Variants in KIRREL3 observed in about 807,000 individuals in gnomAD.
KIRREL3 encodes the protein kin of IRRE-like protein 3.
KIRREL3 carries 36 observed loss-of-function variants against 89.7 expected under a neutral mutation model. The ratio of observed to expected loss-of-function variants is 0.40; its 90% CI spans 0.31 to 0.53. KIRREL3 has a LOEUF of 0.53. Ranked by LOEUF, KIRREL3 falls within the 20% of genes least tolerant of loss-of-function variation. The pLI is 0.49. For missense variants in KIRREL3, 864 were observed against 1,056.6 expected (o/e 0.82, Z 2.53); for synonymous variants, 445 against 441.4 (o/e 1.01, Z -0.10).
intron 2 of KIRREL3, among the ~76,000 whole-genome samples, chr11:126,529,374 G>T (rs1264346805): frequency 1.3e-5 from 2 of 152,148 alleles, no homozygotes; most frequent in East Asian, 1.9e-4. Flanking sequence ...CCTTTTGGTG[G>T]GTGTCTCAGA....
chr11:126,533,106 T>C (rs1385318774), intron 2 of KIRREL3, among the ~76,000 whole-genome samples: 1 of 152,164 alleles, frequency 6.6e-6, no homozygotes, highest in African/African-American at 2.4e-5. Flanking sequence ...CATGCCCAGC[T>C]AGTAATAGGT....
At position 126,912,494 on chromosome 11, in the gene KIRREL3, G is replaced by A. The variant is rs1946864101; in HGVS notation, c.55+87961C>T. Among the ~76,000 whole-genome samples the A allele has an allele frequency of 1.3e-5, 2 of 152,142 alleles. No homozygotes were observed. Among genetic ancestry groups the A allele is most frequent in the Admixed American group, 6.5e-5 (1 of 15,268 alleles). ...CAGTCCTAAGCACCCCTCACAGTAG[G>A]CATCAACCAAGAACATATCACACTC... is the stretch of plus-strand genomic sequence containing the variant. On this transcript the variant is annotated intron_variant, in intron 1 of 16. Transcript: ENST00000525144. This position sits in a 1 kb window ranked among gnomAD's most constrained non-coding sequence, Gnocchi z 4.7.
chr11:126,889,955 C>A (rs1257312374), intron 1 of KIRREL3, among the ~76,000 whole-genome samples: 1 of 152,206 alleles, frequency 6.6e-6, no homozygotes. Flanking sequence ...TAGCCCTTAG[C>A]TGTGGCAGCC....
Position 126,526,872 on chromosome 11 carries a change from A to G in KIRREL3, c.134-185T>C, listed in dbSNP as rs189067887. The stretch of plus-strand genomic sequence containing the variant: ...CTCAGCCCCAGCTCTATTCCCTCCT[A>G]TGGGGGCCTGGCTCCCAGCTCCAGC... On this transcript the variant is annotated intron_variant, in intron 2 of 16. Coordinates refer to ENST00000525144, the MANE Select transcript of KIRREL3 (RefSeq NM_032531.4). The surrounding 1 kb of genome is among the most constrained non-coding windows in gnomAD (Gnocchi z 5.7). Among the ~76,000 whole-genome samples the G allele has an allele frequency of 4.6e-5, 7 of 152,166 alleles. No homozygotes were observed. The East Asian group carries it at 1.2e-3, about 25-fold the overall frequency.
At chr11:126,512,542 G>T (rs1428600627) in intron 4 of KIRREL3, among the ~76,000 whole-genome samples, 1 of 152,200 alleles carries the variant, frequency 6.6e-6, no homozygotes, top group East Asian at 1.9e-4. Context: ...GGGTAAGTGG[G>T]TGAGGGGCCT....
chr11:126,532,798 T>A (rs942122786), intron 2 of KIRREL3, among the ~76,000 whole-genome samples: 8 of 152,068 alleles, frequency 5.3e-5, no homozygotes, highest in African/African-American at 1.9e-4. Context: ...CGGTTGAGGG[T>A]AAAGTTTAGT....
chr11:126,725,368 C>T lies in KIRREL3; in HGVS notation c.56-162456G>A, dbSNP rs374586453. Among the ~76,000 whole-genome samples, 111 of 152,260 alleles carry T rather than the reference C, an allele frequency of 7.3e-4. 2 individuals carry two copies. In the South Asian group the frequency reaches 0.022, roughly 30 times the overall value. On this transcript the variant is annotated intron_variant, in intron 1 of 16. Coordinates refer to ENST00000525144, the MANE Select transcript of KIRREL3 (RefSeq NM_032531.4). ...GCAAAAAAAAGGGTTCATTTCAGTG[C>T]CCTGTGCATTAGTTGCCTGACTTGC...
intron 1 of KIRREL3, among the ~76,000 whole-genome samples, chr11:126,929,216 GGTCAAA>G (rs1177707624): frequency 3.3e-5 from 5 of 152,090 alleles, no homozygotes; most frequent in African/African-American, 4.8e-5. Flanking sequence ...AGGACAGAGA[GGTCAAA>G]GTCCCCAGGA....
At chr11:126,803,137 T>G (rs184748707) in intron 1 of KIRREL3, among the ~76,000 whole-genome samples, 83 of 152,246 alleles carry the variant, frequency 5.5e-4, no homozygotes, top group African/African-American at 1.9e-3. Context: ...GTCTGAGGGG[T>G]CCAGCCCTAA....
chr11:126,827,258 A>G (rs1297561373), intron 1 of KIRREL3, among the ~76,000 whole-genome samples: 1 of 151,948 alleles, frequency 6.6e-6, no homozygotes, highest in East Asian at 1.9e-4. Flanking sequence ...GTTCACTGCA[A>G]TCTCTGCCTC....
chr11:126,789,972 T>C (rs1452924066), intron 1 of KIRREL3, among the ~76,000 whole-genome samples: 1 of 152,218 alleles, frequency 6.6e-6, no homozygotes, highest in Non-Finnish European at 1.5e-5. Flanking sequence ...CTGGCATGTC[T>C]CATAGGACCT....
At chr11:126,894,519 G>A (rs1002606881) in intron 1 of KIRREL3, among the ~76,000 whole-genome samples, 1 of 106,836 alleles carries the variant, frequency 9.4e-6, no homozygotes, top group Non-Finnish European at 1.8e-5. Context: ...GACCAGCCTG[G>A]GCAACATAAT....
intron 1 of KIRREL3, among the ~76,000 whole-genome samples, chr11:126,785,015 G>A (rs1950442351): frequency 6.6e-6 from 1 of 152,222 alleles, no homozygotes; most frequent in Non-Finnish European, 1.5e-5. Flanking sequence ...GAAAAGCCCA[G>A]TGTGTTAAGG....
intron 1 of KIRREL3, among the ~76,000 whole-genome samples, chr11:126,942,713 C>T (rs1053944403): frequency 3.1e-4 from 47 of 152,336 alleles, no homozygotes; most frequent in Admixed American, 1.4e-3. Context: ...TCTGAACATG[C>T]TGGCCTTCTC....
At position 126,544,885 on chromosome 11, in the gene KIRREL3, C is replaced by T. The variant is rs937209594; in HGVS notation, c.133+17950G>A. ...GTTTGGCCATGCACTGTCTAAACTC[C>T]TCTAACCTATTTAGGCCACAGAGAG... is the stretch of plus-strand genomic sequence containing the variant. On this transcript the variant is annotated intron_variant, in intron 2 of 16. Transcript: ENST00000525144. This position sits in a 1 kb window ranked among gnomAD's most constrained non-coding sequence, Gnocchi z 5.6. Among the ~76,000 whole-genome samples the T allele has an allele frequency of 6.6e-6, 1 of 152,158 alleles. No homozygotes were observed. Among genetic ancestry groups the T allele is most frequent in the Admixed American group, 6.5e-5 (1 of 15,288 alleles).
intron 4 of KIRREL3, among the ~76,000 whole-genome samples, chr11:126,505,574 T>TA (rs35612888): frequency 0.37 from 56,037 of 151,054 alleles, 11,289 homozygotes; most frequent in African/African-American, 0.52. Flanking sequence ...TCCATCTCTT[T>TA]AAAAAAAAAT....
intron 1 of KIRREL3, among the ~76,000 whole-genome samples, chr11:126,745,295 G>A (rs148715258): frequency 2.0e-5 from 3 of 152,026 alleles, no homozygotes; most frequent in African/African-American, 7.3e-5. Flanking sequence ...ACATGCTATA[G>A]CAATTCAAAA....
At chr11:126,433,479 C>T (rs562313086) in intron 13 of KIRREL3, among the ~76,000 whole-genome samples, 8 of 152,294 alleles carry the variant, frequency 5.3e-5, no homozygotes, top group Non-Finnish European at 1.2e-4. Context: ...CATCCCTTTG[C>T]CACCCCAGGA....
Position 126,996,555 on chromosome 11 carries a change from C to G in KIRREL3, c.55+3900G>C, listed in dbSNP as rs1275697131. Among the ~76,000 whole-genome samples, 5 of 152,134 alleles carry G rather than the reference C, an allele frequency of 3.3e-5. 1 individual carries two copies. Among genetic ancestry groups the G allele is most frequent in the Admixed American group, 3.3e-4 (5 of 15,280 alleles). On this transcript the variant is annotated intron_variant, in intron 1 of 16. Transcript: ENST00000525144. The surrounding 1 kb of genome is among the most constrained non-coding windows in gnomAD (Gnocchi z 4.7). ...ATGCTTCTTGTCATCTCCATGGCTC[C>G]CTTCACCCTGGCTGGCTCCCTCTGT...
Sources: gnomAD v4.1 joint callset for allele counts (sites outside exome capture counted in the v4.1 genomes callset) on GRCh38, gnomAD v4.1.1 for gene constraint, Gnocchi (gnomAD v3.1) non-coding constraint, MANE v1.5 for transcripts, NCBI Gene and HGNC (gene_info 2026-07-23, HGNC 2026-07-21) for gene names.